WWC1: variants seen among roughly 807,000 people sequenced by gnomAD.
WWC1 encodes the protein WW and C2 domain containing 1.
A neutral mutation model predicts 138.4 loss-of-function variants in WWC1; 55 were observed. The observed-to-expected ratio is 0.40, with a 90% CI of 0.32 to 0.50. The LOEUF (loss-of-function observed/expected upper bound fraction) is 0.50, where lower values mean the gene tolerates loss of function less well. Among genes scored for constraint, WWC1 ranks in the 20% least tolerant of loss-of-function variants. The pLI is 0.72. For synonymous variants in WWC1, 524 were observed against 564.9 expected, an observed-to-expected ratio of 0.93 and a Z score of 1.03; for missense variants, 1,226 against 1,420.4, an observed-to-expected ratio of 0.86 and a Z score of 2.20.
chr5:168,391,054 A>G (rs1457564897), intron 3 of WWC1, among the ~76,000 whole-genome samples: 3 of 152,134 alleles, frequency 2.0e-5, no homozygotes, highest in African/African-American at 7.2e-5. Context: ...CTCAAAATCA[A>G]TTTTCTTAAT....
chr5:168,405,915 C>T (rs905410637), intron 5 of WWC1, among the ~76,000 whole-genome samples: 6 of 151,792 alleles, frequency 4.0e-5, no homozygotes, highest in African/African-American at 1.5e-4. Context: ...TTGGTAGAGA[C>T]GGGGTTTCAC....
At chr5:168,443,075 A>C (rs1464329033) in intron 16 of WWC1, among the ~76,000 whole-genome samples, 1 of 30,294 alleles carries the variant, frequency 3.3e-5, no homozygotes, top group Non-Finnish European at 6.1e-5. Context: ...GACCACATCA[A>C]AAAAGTTAAA....
chr5:168,402,518 C>T (rs991235801), intron 5 of WWC1, among the ~76,000 whole-genome samples: 10 of 152,132 alleles, frequency 6.6e-5, no homozygotes, highest in East Asian at 3.9e-4. Flanking sequence ...TAGCTGGTTG[C>T]CTGCTTGTAT....
At chr5:168,448,349 C>T (rs1040750155) in intron 17 of WWC1, among the ~76,000 whole-genome samples, 4 of 152,194 alleles carry the variant, frequency 2.6e-5, no homozygotes, top group African/African-American at 9.6e-5. Flanking sequence ...GGTACTCCCT[C>T]TTTTTATTTT....
intron 1 of WWC1, among the ~76,000 whole-genome samples, chr5:168,357,018 G>A (rs147107510): frequency 2.0e-4 from 31 of 152,142 alleles, no homozygotes; most frequent in East Asian, 9.7e-4. Context: ...CTGTTGTGAC[G>A]GTTATTTGAG....
chr5:168,415,815 CGTGTGTGTGTGTGTGTGT>C (rs56223676), intron 9 of WWC1: 1 of 6,564 alleles, frequency 1.5e-4, no homozygotes, highest in Non-Finnish European at 2.3e-4. Flanking sequence ...GGGGGGGGGG[CGTGTGTGTGTGTGTGTGT>C]GTGTGTGTGT....
At chr5:168,324,770 A>G (rs1310362528) in intron 1 of WWC1, among the ~76,000 whole-genome samples, 1 of 152,240 alleles carries the variant, frequency 6.6e-6, no homozygotes, top group African/African-American at 2.4e-5. Flanking sequence ...ACTCAAGTAT[A>G]TAGCCTGCCT....
At chr5:168,299,638 T>C (rs548703473) in intron 1 of WWC1, among the ~76,000 whole-genome samples, 36 of 152,134 alleles carry the variant, frequency 2.4e-4, no homozygotes, top group Non-Finnish European at 4.1e-4. Flanking sequence ...TTCCCTGGGG[T>C]CCCAGATTGC....
intron 6 of WWC1, among the ~76,000 whole-genome samples, chr5:168,406,620 T>A (rs919620549): frequency 2.0e-5 from 3 of 152,206 alleles, no homozygotes; most frequent in Non-Finnish European, 4.4e-5. Flanking sequence ...ACTTATTTTT[T>A]CTTTGTTTTT....
chr5:168,360,836 A>G (rs1775828508), intron 1 of WWC1, among the ~76,000 whole-genome samples: 2 of 152,260 alleles, frequency 1.3e-5, no homozygotes, highest in South Asian at 2.1e-4. Flanking sequence ...GGTAAGGGTC[A>G]GAGCTCAAGG....
chr5:168,357,079 C>A (rs1274816031), intron 1 of WWC1, among the ~76,000 whole-genome samples: 1 of 152,080 alleles, frequency 6.6e-6, no homozygotes, highest in Non-Finnish European at 1.5e-5. Context: ...TTAAATGTTT[C>A]TTCAATCACA....
chr5:168,413,949 A>C (rs190409106), intron 8 of WWC1: 74 of 205,016 alleles, frequency 3.6e-4, no homozygotes, highest in Non-Finnish European at 2.0e-5. Flanking sequence ...TTTGCAGGTT[A>C]CAGATTATAT....
At chr5:168,327,443 C>G (rs1161022094) in intron 1 of WWC1, among the ~76,000 whole-genome samples, 1 of 152,214 alleles carries the variant, frequency 6.6e-6, no homozygotes, top group Non-Finnish European at 1.5e-5. Context: ...GCCTCCTTAG[C>G]TCTTCGTTGA....
chr5:168,431,233 C>T lies in WWC1; in HGVS notation c.2088-19C>T, dbSNP rs201814355. ...ACATGGGCTGACCCAAGATTTCCTG[C>T]GGTTCTGTCTCCCTCTAGGAATATC... On this transcript the variant is annotated intron_variant, in intron 14 of 22. Coordinates refer to ENST00000265293, the MANE Select transcript of WWC1 (RefSeq NM_015238.3). The T allele has an allele frequency of 1.2e-4, 198 of 1,592,242 alleles. No homozygotes were observed. Among genetic ancestry groups the T allele is most frequent in the Non-Finnish European group, 1.6e-4 (191 of 1,168,552 alleles).
chr5:168,374,498 G>A (rs1777023066), intron 2 of WWC1, among the ~76,000 whole-genome samples: 1 of 152,184 alleles, frequency 6.6e-6, no homozygotes, highest in Non-Finnish European at 1.5e-5. Flanking sequence ...ACTCCAAGGT[G>A]TGATCACATT....
At chr5:168,413,643 G>A (rs952178510) in intron 8 of WWC1, among the ~76,000 whole-genome samples, 7 of 152,176 alleles carry the variant, frequency 4.6e-5, no homozygotes, top group African/African-American at 1.7e-4. Context: ...ATGAAGGCCA[G>A]AGCGAGCCAG....
chr5:168,390,312 G>A, intron 3 of WWC1, among the ~76,000 whole-genome samples: 1 of 152,018 alleles, frequency 6.6e-6, no homozygotes, highest in Non-Finnish European at 1.5e-5. Context: ...TGAAAAAGAG[G>A]TTTTTTTTAC....
intron 1 of WWC1, among the ~76,000 whole-genome samples, chr5:168,336,571 C>CAAAAAAAAAAAAAAAAA (rs57339649): frequency 1.7e-5 from 1 of 58,020 alleles, no homozygotes; most frequent in Non-Finnish European, 3.7e-5. Context: ...GACTCTGTCT[C>CAAAAAAAAAAAAAAAAA]AAAAAAAAAA....
At chr5:168,431,561 G>A (rs566655375) in intron 15 of WWC1, 117 bp downstream of exon 15, 26 of 1,165,750 alleles carry the variant, frequency 2.2e-5, no homozygotes, top group Admixed American at 1.1e-4. Flanking sequence ...AAGAAGGTTC[G>A]AAGGAGACGC....
Sources: allele counts gnomAD v4.1 joint callset (sites outside exome capture counted in the v4.1 genomes callset), GRCh38; gene constraint gnomAD v4.1.1; transcripts MANE v1.5; gene names NCBI Gene and HGNC (gene_info 2026-07-23, HGNC 2026-07-21).